CA5B: variants seen among roughly 807,000 people sequenced by gnomAD.
CA5B encodes carbonic anhydrase 5B, mitochondrial.
Under a neutral mutation model 23.1 loss-of-function variants are expected in CA5B, and 15 were observed. The ratio of observed to expected loss-of-function variants is 0.65; its 90% CI spans 0.43 to 1.00. CA5B has a LOEUF of 1.00. Ranked by LOEUF, CA5B falls within the 50% of genes least tolerant of loss-of-function variation. The pLI, the probability that CA5B is intolerant of heterozygous loss-of-function variation, is 0.00. For synonymous variants in CA5B, 84 were observed against 98.5 expected (o/e 0.85, Z 0.87); for missense variants, 236 against 252.2 (o/e 0.94, Z 0.43).
rs1932061992 is a variant in CA5B, at chrX:15,783,620, T to C, written c.*956T>C. The C allele has an allele frequency of 9.2e-6, 1 of 108,423 alleles. No homozygotes were observed. Among genetic ancestry groups the C allele is most frequent in the East Asian group, 3.0e-4 (1 of 3,385 alleles). The allele number at this position is 108,423 out of a possible 1,213,427, so 8.9% of individuals were successfully genotyped here. A position where few individuals can be genotyped will look rare whatever the true frequency, so the allele number is the denominator to read the frequency against. On this transcript the variant is annotated 3_prime_UTR_variant, in exon 8 of 8. Coordinates refer to ENST00000318636, the MANE Select transcript of CA5B (RefSeq NM_007220.4). ...CAGCCTGGCCAACATGATGAAACCC[T>C]GTCACTACTACAAATAAAAAATTAG...
intron 2 of CA5B, among the ~76,000 whole-genome samples, chrX:15,753,964 T>TGC (rs1325487142): frequency 8.9e-6 from 1 of 112,570 alleles, no homozygotes; most frequent in African/African-American, 3.2e-5. Context: ...TTTCAGAGCC[T>TGC]GCTGTCTGTC....
intron 2 of CA5B, among the ~76,000 whole-genome samples, chrX:15,755,278 G>C (rs896874349): frequency 8.9e-6 from 1 of 111,995 alleles, no homozygotes; most frequent in Non-Finnish European, 1.9e-5. Context: ...AATAGCCCTG[G>C]AACTGACCAT....
intron 1 of CA5B, among the ~76,000 whole-genome samples, chrX:15,743,738 C>T (rs1931168193): frequency 9.0e-6 from 1 of 111,202 alleles, no homozygotes; most frequent in Admixed American, 9.6e-5. Flanking sequence ...ATCTCAAATC[C>T]TCATCTAGCC....
chrX:15,776,299 A>G (rs1247393529), intron 6 of CA5B, among the ~76,000 whole-genome samples: 13 of 96,294 alleles, frequency 1.4e-4, no homozygotes, highest in Non-Finnish European at 2.7e-4. Context: ...AGATTGCACC[A>G]CTGCACTCTA....
chrX:15,776,338 CA>C (rs1204466142), intron 6 of CA5B, among the ~76,000 whole-genome samples: 46 of 43,656 alleles, frequency 1.1e-3, no homozygotes, highest in East Asian at 2.0e-3. Flanking sequence ...GACTCTGTCT[CA>C]AAAAAAAAAA....
At chrX:15,764,177 G>A (rs887078053) in intron 2 of CA5B, among the ~76,000 whole-genome samples, 1 of 110,734 alleles carries the variant, frequency 9.0e-6, no homozygotes, top group Non-Finnish European at 1.9e-5. Context: ...CCATCATAGT[G>A]GCTAATTCCT....
chrX:15,772,781 T>C (rs1397224957), intron 4 of CA5B, among the ~76,000 whole-genome samples, 167 bp downstream of exon 4: 1 of 112,276 alleles, frequency 8.9e-6, no homozygotes, highest in Non-Finnish European at 1.9e-5. Context: ...TGTTAACTTC[T>C]CTCATCTCAA....
chrX:15,766,666 T>C (rs369227956), intron 3 of CA5B, among the ~76,000 whole-genome samples: 2 of 112,078 alleles, frequency 1.8e-5, no homozygotes, highest in South Asian at 3.7e-4. Flanking sequence ...CATAAAACCA[T>C]CTCATGTGCC....
At chrX:15,769,096 A>G (rs748308256) in intron 3 of CA5B, among the ~76,000 whole-genome samples, 1 of 111,978 alleles carries the variant, frequency 8.9e-6, no homozygotes, top group Admixed American at 9.5e-5. Context: ...CCCAAAAGCA[A>G]GTAGAGAGAA....
Position 15,779,529 on chromosome X carries a change from T to C in CA5B, c.774+2660T>C, listed in dbSNP as rs1403611002. ...AAATATATCCAAATACATATGAGAA[T>C]TTATTTTATGATAAATATAGCATCT... On this transcript the variant is annotated intron_variant, in intron 7 of 7. Transcript: ENST00000318636. Among the ~76,000 whole-genome samples, 3 of 112,323 alleles carry C rather than the reference T, an allele frequency of 2.7e-5. No homozygotes were observed. In the Admixed American group the frequency reaches 2.8e-4, roughly 11 times the overall value.
intron 3 of CA5B, among the ~76,000 whole-genome samples, chrX:15,771,942 T>C (rs1931829193): frequency 9.0e-6 from 1 of 111,394 alleles, no homozygotes; most frequent in African/African-American, 3.3e-5. Context: ...TTATCAACTA[T>C]GGTCACCATG....
chrX:15,767,055 C>T, intron 3 of CA5B: 2 of 895,723 alleles, frequency 2.2e-6, no homozygotes, highest in Non-Finnish European at 2.8e-6. Context: ...CCATGGGGCT[C>T]TACCATTATC....
intron 2 of CA5B, among the ~76,000 whole-genome samples, chrX:15,763,822 C>T (rs1447905891): frequency 8.9e-6 from 1 of 112,169 alleles, no homozygotes; most frequent in East Asian, 2.8e-4. Context: ...GTATAACTCT[C>T]AGTCTGAGGC....
At chrX:15,769,240 G>C (rs1160629084) in intron 3 of CA5B, among the ~76,000 whole-genome samples, 2 of 111,437 alleles carry the variant, frequency 1.8e-5, no homozygotes, top group Non-Finnish European at 3.8e-5. Context: ...CTAAACTCTG[G>C]AATGAAAGAG....
intron 3 of CA5B, 139 bp downstream of exon 3, chrX:15,764,914 A>C (rs1931675967): frequency 2.0e-6 from 2 of 1,007,555 alleles, no homozygotes; most frequent in Admixed American, 6.7e-5. Flanking sequence ...TAACTTTTTG[A>C]ATGTGTGAAA....
At chrX:15,776,475 G>C (rs1931932995) in intron 6 of CA5B, among the ~76,000 whole-genome samples, 2 of 111,575 alleles carry the variant, frequency 1.8e-5, no homozygotes, top group African/African-American at 3.3e-5. Context: ...GAGAGATCAA[G>C]TGGTTTTGGC....
intron 7 of CA5B, 104 bp downstream of exon 7, chrX:15,776,973 A>T (rs1444643660): frequency 4.7e-6 from 3 of 643,347 alleles, no homozygotes; most frequent in Admixed American, 2.9e-5. Flanking sequence ...TGTAATGCTT[A>T]TACATTTTTA....
At chrX:15,763,246 C>T (rs776092589) in intron 2 of CA5B, among the ~76,000 whole-genome samples, 1 of 112,342 alleles carries the variant, frequency 8.9e-6, no homozygotes, top group African/African-American at 3.2e-5. Flanking sequence ...ACCAATTAAA[C>T]GCTGACAATA....
intron 2 of CA5B, among the ~76,000 whole-genome samples, chrX:15,753,436 C>T (rs1345096008): frequency 9.0e-6 from 1 of 111,592 alleles, no homozygotes; most frequent in East Asian, 2.8e-4. Flanking sequence ...ATGAAGCCTC[C>T]CAGTAGCAGG....
Sources: allele counts gnomAD v4.1 joint callset (sites outside exome capture counted in the v4.1 genomes callset), GRCh38; gene constraint gnomAD v4.1.1; transcripts MANE v1.5; gene names NCBI Gene and HGNC (gene_info 2026-07-23, HGNC 2026-07-21).